WDFY1: variants seen among roughly 807,000 people sequenced by gnomAD.
WDFY1 encodes WD repeat and FYVE domain-containing protein 1.
A neutral mutation model predicts 56.4 loss-of-function variants in WDFY1; 32 were observed. The ratio of observed to expected loss-of-function variants is 0.57; its 90% CI spans 0.43 to 0.76. The LOEUF is 0.76. WDFY1 is among the 30% of genes least tolerant of loss of function. The probability of loss-of-function intolerance (pLI) is 0.00; values close to 1 mark genes in which losing one functional copy is unlikely to be tolerated. For missense variants in WDFY1, 480 were observed against 545.7 expected, an observed-to-expected ratio of 0.88 and a Z score of 1.20; for synonymous variants, 192 against 197.3, an observed-to-expected ratio of 0.97 and a Z score of 0.23.
intron 10 of WDFY1, 146 bp from the exon 11 acceptor site, chr2:223,880,378 G>A (rs933345550): frequency 2.7e-5 from 17 of 636,452 alleles, no homozygotes; most frequent in South Asian, 2.0e-4. Context: ...AGGCCGAGAC[G>A]GGTGGATCAC....
chr2:223,945,298 C>T lies in WDFY1; in HGVS notation c.-14G>A, dbSNP rs376889289. 7 of 1,559,706 alleles carry T rather than the reference C, an allele frequency of 4.5e-6. No individual in the cohort carries two copies. In the African/African-American group the frequency reaches 8.5e-5, roughly 19 times the overall value. On this transcript the variant is annotated 5_prime_UTR_variant, in exon 1 of 12. Coordinates refer to ENST00000233055, the MANE Select transcript of WDFY1 (RefSeq NM_020830.5). ...TTCGGCCGCCATGTTCGCGCGGCGA[C>T]TGCTGCGGCCTCCTCGGCAGGCAGC... is the stretch of plus-strand genomic sequence containing the variant.
intron 1 of WDFY1, among the ~76,000 whole-genome samples, chr2:223,922,357 T>C (rs1693900990): frequency 1.3e-5 from 2 of 152,244 alleles, no homozygotes; most frequent in Non-Finnish European, 2.9e-5. Flanking sequence ...TAAATCAGAA[T>C]GTTTATGGAT....
At chr2:223,932,223 C>T (rs954037921) in intron 1 of WDFY1, among the ~76,000 whole-genome samples, 8 of 148,532 alleles carry the variant, frequency 5.4e-5, no homozygotes, top group Admixed American at 1.4e-4. Context: ...CCTGGGTTCA[C>T]GCCATTCTCC....
intron 2 of WDFY1, among the ~76,000 whole-genome samples, chr2:223,915,275 T>C (rs1693768844): frequency 6.6e-6 from 1 of 152,208 alleles, no homozygotes; most frequent in South Asian, 2.1e-4. Flanking sequence ...CGAAGCTGTG[T>C]CTGTTCTTTC....
Position 223,882,066 on chromosome 2 carries a change from A to G in WDFY1, c.940T>C (p.Cys314Arg). 1 of 1,613,414 alleles carries G rather than the reference A, an allele frequency of 6.2e-7. No individual in the cohort carries two copies. Residue 314 changes from cysteine (C) to arginine (R), a missense_variant, in exon 10 of 12, where the codon TGC (cysteine) becomes CGC (arginine). Physicochemically the swap from Cys to Arg is radical, Grantham distance 180. Coordinates refer to ENST00000233055, the MANE Select transcript of WDFY1 (RefSeq NM_020830.5). The stretch of plus-strand genomic sequence containing the variant: ...CAGACAGCCTGCCCGCATTTCCTGC[A>G]GTGATGCTTCACAGGTGACCGGGAG... Reference protein sequence around the residue: ...TKTLGLRQHHCRKCGQAVCGK... With the variant: ...TKTLGLRQHHRRKCGQAVCGK...
At chr2:223,891,651 T>C (rs1223184014) in intron 8 of WDFY1, among the ~76,000 whole-genome samples, 4 of 152,146 alleles carry the variant, frequency 2.6e-5, no homozygotes, top group Admixed American at 1.3e-4. Context: ...ACTTTGACGG[T>C]AGGAATCCCA....
At chr2:223,913,350 C>T (rs1298170479) in intron 2 of WDFY1, among the ~76,000 whole-genome samples, 2 of 152,080 alleles carry the variant, frequency 1.3e-5, no homozygotes, top group African/African-American at 4.8e-5. Flanking sequence ...GATCGTACCC[C>T]AAAGCAAAAA....
chr2:223,912,377 T>A lies in WDFY1; in HGVS notation c.206-51A>T, dbSNP rs541712. On this transcript the variant is annotated intron_variant, in intron 2 of 11. Coordinates refer to ENST00000233055, the MANE Select transcript of WDFY1 (RefSeq NM_020830.5). ...ACCAGCAAAGCTAAGCACTTTAAGT[T>A]GTTCTTCAAAGTGATTAAGAACTAT... 10 of 1,517,390 alleles carry A rather than the reference T, an allele frequency of 6.6e-6. No homozygotes were observed. In the East Asian group the frequency reaches 1.8e-4, roughly 28 times the overall value. 94.0% of individuals were successfully genotyped at this position (1,517,390 alleles called of 1,614,324 possible).
At chr2:223,904,110 T>TTA (rs1217851505) in intron 4 of WDFY1, among the ~76,000 whole-genome samples, 1 of 152,204 alleles carries the variant, frequency 6.6e-6, no homozygotes, top group Non-Finnish European at 1.5e-5. Context: ...GCTTCTGGTG[T>TTA]TATAATAACA....
intron 5 of WDFY1, among the ~76,000 whole-genome samples, chr2:223,899,611 T>C (rs1693467710): frequency 6.6e-6 from 1 of 152,070 alleles, no homozygotes; most frequent in South Asian, 2.1e-4. Context: ...CTGGGCGTGG[T>C]GGCACACGCC....
intron 1 of WDFY1, among the ~76,000 whole-genome samples, chr2:223,921,077 G>A (rs1234041061): frequency 1.3e-5 from 2 of 152,208 alleles, no homozygotes; most frequent in Non-Finnish European, 2.9e-5. Flanking sequence ...GCAATCAGAA[G>A]AGAGAAAACT....
intron 6 of WDFY1, among the ~76,000 whole-genome samples, chr2:223,897,369 TATATATATA>T (rs1489003066): frequency 0.053 from 3,488 of 66,068 alleles, 269 homozygotes; most frequent in Non-Finnish European, 0.072. Context: ...TATATATATA[TATATATATA>T]TATATATATA....
At position 223,923,873 on chromosome 2, in the gene WDFY1, C is replaced by T. The variant is rs1364377370; in HGVS notation, c.138-5863G>A. Among the ~76,000 whole-genome samples, 22 of 152,198 alleles carry T rather than the reference C, an allele frequency of 1.4e-4. 1 individual carries two copies. The highest frequency in any genetic ancestry group is 1.4e-3 in the Admixed American group (22 of 15,278). ...CTGTCTAGATTGAATGTCTAAACCA[C>T]TCTCTCCACTAAGATAAAACAGCTT... On this transcript the variant is annotated intron_variant, in intron 1 of 11. Transcript: ENST00000233055.
intron 8 of WDFY1, among the ~76,000 whole-genome samples, chr2:223,893,537 A>C (rs190916590): frequency 5.9e-4 from 90 of 152,124 alleles, no homozygotes; most frequent in Non-Finnish European, 1.0e-4. Flanking sequence ...CTCAAAAAAA[A>C]AAAAGAGAGA....
intron 8 of WDFY1, among the ~76,000 whole-genome samples, chr2:223,891,248 T>C (rs1437546352): frequency 6.6e-6 from 1 of 151,722 alleles, no homozygotes; most frequent in African/African-American, 2.4e-5. Flanking sequence ...ACAGGTATGG[T>C]GGCATAAGCC....
chr2:223,930,021 G>T (rs717610), intron 1 of WDFY1, among the ~76,000 whole-genome samples: 127,978 of 152,160 alleles, frequency 0.84, 54,557 homozygotes, highest in Non-Finnish European at 0.93. Flanking sequence ...ACAAGAAGCA[G>T]TAAATTACTT....
rs569461398 is a variant in WDFY1, at chr2:223,906,780, A to G, written c.280-779T>C. Among the ~76,000 whole-genome samples, 485 of 152,102 alleles carry G rather than the reference A, an allele frequency of 3.2e-3. 4 individuals are homozygous for G. The highest frequency in any genetic ancestry group is 0.011 in the African/African-American group (454 of 41,524). On this transcript the variant is annotated intron_variant, in intron 3 of 11. Coordinates refer to ENST00000233055, the MANE Select transcript of WDFY1 (RefSeq NM_020830.5). ...GGTGATCCACCCACCTTAGCCTCCC[A>G]AAGTGCTGGGATTACAGGCGTGAGC...
rs1260929986 is a variant in WDFY1, at chr2:223,929,182, GTTTTTTGTT to G, written c.138-11181_138-11173del. Among the ~76,000 whole-genome samples, 27 of 100,628 alleles carry G rather than the reference GTTTTTTGTT, an allele frequency of 2.7e-4. 1 individual carries two copies. The highest frequency in any genetic ancestry group is 8.9e-4 in the South Asian group (3 of 3,376). The allele number at this position is 100,628 out of a possible 152,430, so 66.0% of individuals were successfully genotyped here. On this transcript the variant is annotated intron_variant, in intron 1 of 11. Coordinates refer to ENST00000233055, the MANE Select transcript of WDFY1 (RefSeq NM_020830.5). ...CTAACTTCTTTTTTTTTTTCTTTCTGTTTTTTGTTTTTTTTTTTTTTTGAGACAGAGTTT... is the reference window on the plus strand; with the variant it reads ...CTAACTTCTTTTTTTTTTTCTTTCTGTTTTTTTTTTTTTGAGACAGAGTTT...
chr2:223,905,864 T>G (rs1432101502), intron 4 of WDFY1, 83 bp downstream of exon 4: 10 of 1,006,868 alleles, frequency 9.9e-6, no homozygotes, highest in Non-Finnish European at 1.4e-5. Context: ...TGTGAAAATC[T>G]AATTTTCATC....
Sources: gnomAD v4.1 joint callset for allele counts (sites outside exome capture counted in the v4.1 genomes callset) on GRCh38, gnomAD v4.1.1 for gene constraint, MANE v1.5 for transcripts, NCBI Gene and HGNC (gene_info 2026-07-23, HGNC 2026-07-21) for gene names.